PTPRT: variants seen among roughly 807,000 people sequenced by gnomAD.
The protein encoded by PTPRT is protein tyrosine phosphatase receptor type T, also known as receptor-type tyrosine-protein phosphatase T.
A neutral mutation model predicts 176.8 loss-of-function variants in PTPRT; 56 were observed. The observed-to-expected ratio is 0.32, with a 90% CI of 0.26 to 0.40. The LOEUF (loss-of-function observed/expected upper bound fraction) is 0.40. Ranked by LOEUF, PTPRT falls within the 10% of genes least tolerant of loss-of-function variation. The pLI is 1.00. For synonymous variants in PTPRT, 783 were observed against 739.0 expected (o/e 1.06, Z -0.96); for missense variants, 1,540 against 1,908.2 (o/e 0.81, Z 3.60).
chr20:42,097,716 T>C (rs1431954466), intron 27 of PTPRT, among the ~76,000 whole-genome samples: 1 of 152,254 alleles, frequency 6.6e-6, no homozygotes, highest in Non-Finnish European at 1.5e-5. Flanking sequence ...AATTCAATGT[T>C]ACTTTAAGTT....
intron 7 of PTPRT, among the ~76,000 whole-genome samples, chr20:42,483,493 A>G (rs557112028): frequency 6.6e-6 from 1 of 152,204 alleles, no homozygotes; most frequent in African/African-American, 2.4e-5. Flanking sequence ...CTTCCTTTAA[A>G]CATTAGTTCT....
At chr20:42,996,746 G>C (rs1039185788) in intron 1 of PTPRT, among the ~76,000 whole-genome samples, 1 of 152,184 alleles carries the variant, frequency 6.6e-6, no homozygotes, top group Non-Finnish European at 1.5e-5. Context: ...CAAGTGTGGA[G>C]ACTCCAGAGG....
chr20:42,038,060 A>G, the PTPRT span, among the ~76,000 whole-genome samples: 3 of 152,206 alleles, frequency 2.0e-5, no homozygotes, highest in Non-Finnish European at 2.9e-5. Flanking sequence ...TTTAAGAGTT[A>G]GTAGCTTCTC....
At chr20:42,847,862 G>T (rs2078402087) in intron 2 of PTPRT, among the ~76,000 whole-genome samples, 1 of 152,180 alleles carries the variant, frequency 6.6e-6, no homozygotes, top group Non-Finnish European at 1.5e-5. Context: ...TAGGTTTTTG[G>T]AAAACAGGTG....
At chr20:42,214,050 T>C (rs575347413) in intron 15 of PTPRT, among the ~76,000 whole-genome samples, 1 of 152,240 alleles carries the variant, frequency 6.6e-6, no homozygotes, top group East Asian at 1.9e-4. Context: ...TACAACACCG[T>C]GAGGCCAGGA....
intron 7 of PTPRT, among the ~76,000 whole-genome samples, chr20:42,625,655 G>A (rs6093702): frequency 0.11 from 16,891 of 151,882 alleles, 3,076 homozygotes; most frequent in African/African-American, 0.38. Context: ...ATGGATGGGT[G>A]GGTGAGTCTA....
chr20:42,905,105 G>T (rs1028541256), intron 1 of PTPRT, among the ~76,000 whole-genome samples: 13 of 152,158 alleles, frequency 8.5e-5, no homozygotes, highest in African/African-American at 2.2e-4. Context: ...GACAGCAAAA[G>T]AAACTACCAT....
the PTPRT span, among the ~76,000 whole-genome samples, chr20:42,067,296 G>A: frequency 6.6e-6 from 1 of 152,196 alleles, no homozygotes; most frequent in Non-Finnish European, 1.5e-5. Context: ...GGAGAGGTTT[G>A]TATCGGCATT....
At chr20:42,941,531 T>C (rs988677991) in intron 1 of PTPRT, among the ~76,000 whole-genome samples, 2 of 152,174 alleles carry the variant, frequency 1.3e-5, no homozygotes, top group African/African-American at 4.8e-5. Flanking sequence ...CTGTTCACCG[T>C]TTCATTCACA....
Position 43,151,990 on chromosome 20 carries a change from T to C in PTPRT, c.88+37656A>G, listed in dbSNP as rs533261071. 1.2e-3 allele frequency among the ~76,000 whole-genome samples: 179 copies of C among 152,356 alleles called. 1 individual carries two copies. The highest frequency in any genetic ancestry group is 0.01 in the Middle Eastern group (3 of 294). On this transcript the variant is annotated intron_variant, in intron 1 of 30. Transcript: ENST00000373187. The stretch of plus-strand genomic sequence containing the variant: ...CCTCCTGATAAAGCCATCTATATTT[T>C]TGAGCCAGCAATAGTATAAAGAATT...
At chr20:42,647,126 G>A (rs1238812551) in intron 7 of PTPRT, among the ~76,000 whole-genome samples, 4 of 151,622 alleles carry the variant, frequency 2.6e-5, no homozygotes, top group Admixed American at 2.0e-4. Context: ...CCAACTCCTG[G>A]GCTCAAGTGA....
At chr20:42,816,984 C>T (rs2077798339) in intron 2 of PTPRT, among the ~76,000 whole-genome samples, 3 of 152,178 alleles carry the variant, frequency 2.0e-5, no homozygotes, top group African/African-American at 7.2e-5. Context: ...CAATGTCTTC[C>T]TCACCTTACC....
At chr20:42,569,629 G>C (rs1160904129) in intron 7 of PTPRT, among the ~76,000 whole-genome samples, 1 of 152,038 alleles carries the variant, frequency 6.6e-6, no homozygotes, top group Non-Finnish European at 1.5e-5. Context: ...GAGCACCCAG[G>C]GAGGCAGAAC....
rs200172599 is a variant in PTPRT at position 42,408,605 on chromosome 20, G to GTTT, written c.1560+39612_1560+39614dup. 6.4e-4 allele frequency among the ~76,000 whole-genome samples: 79 copies of GTTT among 122,910 alleles called. 1 individual carries two copies. The highest frequency in any genetic ancestry group is 1.6e-3 in the African/African-American group (62 of 39,096). The allele number at this position is 122,910 out of a possible 152,430, so 80.6% of individuals were successfully genotyped here. On this transcript the variant is annotated intron_variant, in intron 9 of 30. Coordinates refer to ENST00000373187, the MANE Select transcript of PTPRT (RefSeq NM_007050.6). ...ACCTTTTGTGTGAAATCTATCCTGTGTTTTTTTTTTTCCTATTAGGATAAA... is the reference window on the plus strand; with the variant it reads ...ACCTTTTGTGTGAAATCTATCCTGTGTTTTTTTTTTTTTTCCTATTAGGATAAA...
Position 42,448,344 on chromosome 20 carries a change from A to C in PTPRT, c.1451-15T>G. On this transcript the variant is annotated splice_polypyrimidine_tract_variant and intron_variant, in intron 8 of 30. Transcript: ENST00000373187. ...AGCTCCTGGAACTACAGAATGGAAA[A>C]GTTATGAACTTGATGTCACCTTCCA... 6.3e-7 allele frequency: 1 copy of C among 1,581,298 alleles called. No homozygotes were observed. The highest frequency in any genetic ancestry group is 8.7e-7 in the Non-Finnish European group (1 of 1,150,330).
intron 13 of PTPRT, among the ~76,000 whole-genome samples, chr20:42,257,656 C>T (rs7271828): frequency 2.0e-5 from 2 of 98,980 alleles, no homozygotes; most frequent in African/African-American, 4.6e-5. Context: ...CCCCCCCCCC[C>T]GCCCACTACT....
chr20:42,297,753 T>C (rs1441135166), intron 12 of PTPRT, among the ~76,000 whole-genome samples: 1 of 152,096 alleles, frequency 6.6e-6, no homozygotes, highest in Non-Finnish European at 1.5e-5. Context: ...AAAAGCAGCA[T>C]CTCAAATTAT....
intron 9 of PTPRT, among the ~76,000 whole-genome samples, chr20:42,439,011 G>A (rs955099095): frequency 2.6e-5 from 4 of 152,210 alleles, no homozygotes; most frequent in Non-Finnish European, 5.9e-5. Context: ...CAGACTCTGA[G>A]TGCCAGAAAT....
chr20:42,341,619 TGAG>T (rs1165010853), intron 11 of PTPRT, among the ~76,000 whole-genome samples: 1 of 152,166 alleles, frequency 6.6e-6, no homozygotes, highest in Non-Finnish European at 1.5e-5. Context: ...TCTCCCAGGA[TGAG>T]GTCATCCACT....
Sources: gnomAD v4.1 joint callset for allele counts (sites outside exome capture counted in the v4.1 genomes callset) on GRCh38, gnomAD v4.1.1 for gene constraint, MANE v1.5 for transcripts, NCBI Gene and HGNC (gene_info 2026-07-23, HGNC 2026-07-21) for gene names.